Variants in RAB10 observed in about 807,000 individuals in gnomAD.
The protein encoded by RAB10 is ras-related protein Rab-10.
Under a neutral mutation model 25.7 loss-of-function variants are expected in RAB10, and 5 were observed. The ratio of observed to expected loss-of-function variants is 0.19; its 90% CI spans 0.10 to 0.41. The LOEUF (loss-of-function observed/expected upper bound fraction) is 0.41. RAB10 is among the 10% of genes least tolerant of loss of function. The pLI, the probability that RAB10 is intolerant of heterozygous loss-of-function variation, is 1.00. For synonymous variants in RAB10, 89 were observed against 86.4 expected, an observed-to-expected ratio of 1.03 and a Z score of -0.16; for missense variants, 103 against 245.8, an observed-to-expected ratio of 0.42 and a Z score of 3.89.
intron 1 of RAB10, among the ~76,000 whole-genome samples, chr2:26,037,344 T>G: frequency 6.6e-6 from 1 of 151,962 alleles, no homozygotes; most frequent in East Asian, 1.9e-4. Flanking sequence ...TTCAGGCTCT[T>G]TAAGAGTGTT....
intron 3 of RAB10, among the ~76,000 whole-genome samples, chr2:26,111,784 A>T (rs145785515): frequency 6.6e-6 from 1 of 152,150 alleles, no homozygotes; most frequent in Admixed American, 6.6e-5. Flanking sequence ...CTGCTATTCA[A>T]TGCTATTCTG....
chr2:26,097,848 G>A (rs116450706), intron 1 of RAB10, among the ~76,000 whole-genome samples: 105 of 152,070 alleles, frequency 6.9e-4, no homozygotes, highest in African/African-American at 2.3e-3. Flanking sequence ...ATTTCTCTTC[G>A]CAGTTCTATT....
intron 1 of RAB10, among the ~76,000 whole-genome samples, chr2:26,056,212 T>G (rs1025141462): frequency 6.6e-6 from 1 of 152,060 alleles, no homozygotes; most frequent in Non-Finnish European, 1.5e-5. Flanking sequence ...CTTTTTTCCT[T>G]TTTTTGAGAT....
intron 1 of RAB10, among the ~76,000 whole-genome samples, chr2:26,066,327 T>TA (rs1666511999): frequency 6.6e-6 from 1 of 152,232 alleles, no homozygotes; most frequent in South Asian, 2.1e-4. Context: ...AATTACAAGT[T>TA]ATGTTTCATA....
At chr2:26,057,385 G>A (rs765376776) in intron 1 of RAB10, among the ~76,000 whole-genome samples, 21 of 150,748 alleles carry the variant, frequency 1.4e-4, no homozygotes, top group Non-Finnish European at 1.9e-4. Flanking sequence ...GCACAGTTGC[G>A]CCTATGAATA....
intron 3 of RAB10, among the ~76,000 whole-genome samples, chr2:26,123,072 A>G (rs1667839105): frequency 6.6e-6 from 1 of 152,184 alleles, no homozygotes; most frequent in Non-Finnish European, 1.5e-5. Flanking sequence ...CTGAAGGGAA[A>G]AGTCTTTTGA....
chr2:26,123,539 A>C (rs1667847565), intron 3 of RAB10, among the ~76,000 whole-genome samples: 1 of 152,256 alleles, frequency 6.6e-6, no homozygotes, highest in African/African-American at 2.4e-5. Flanking sequence ...GAGCCAGTCA[A>C]GGAATTTATG....
At chr2:26,076,156 A>G (rs922035863) in intron 1 of RAB10, among the ~76,000 whole-genome samples, 14 of 152,168 alleles carry the variant, frequency 9.2e-5, no homozygotes, top group African/African-American at 3.1e-4. Context: ...ACATGATCTC[A>G]TTTAATCCCC....
At chr2:26,076,871 G>T (rs1375080468) in intron 1 of RAB10, among the ~76,000 whole-genome samples, 6 of 149,868 alleles carry the variant, frequency 4.0e-5, no homozygotes, top group African/African-American at 1.5e-4. Flanking sequence ...TTGAACCCGG[G>T]AGGCGGAAGT....
At position 26,086,297 on chromosome 2, in the gene RAB10, G is replaced by A. The variant is rs79961031; in HGVS notation, c.128-12365G>A. Among the ~76,000 whole-genome samples, 812 of 152,274 alleles carry A rather than the reference G, an allele frequency of 5.3e-3. 6 individuals are homozygous for A. The highest frequency in any genetic ancestry group is 0.019 in the African/African-American group (769 of 41,562). On this transcript the variant is annotated intron_variant, in intron 1 of 5. Coordinates refer to ENST00000264710, the MANE Select transcript of RAB10 (RefSeq NM_016131.5). ...GCGAAACTCTGTCTCATAAAAAATG[G>A]GCAAAGGACTTGTGGAGTTCAAAGA...
rs575256109 is a variant in RAB10, at chr2:26,080,078, A to T, written c.128-18584A>T. Among the ~76,000 whole-genome samples, 65 of 152,338 alleles carry T rather than the reference A, an allele frequency of 4.3e-4. 2 individuals are homozygous for T. In the South Asian group the frequency reaches 0.013, roughly 30 times the overall value. On this transcript the variant is annotated intron_variant, in intron 1 of 5. Transcript: ENST00000264710. ...ATCTTGTGATTCTAGAAAACAAAGA[A>T]GTGCTCAGAAAAGGATGGGACATGT...
rs528175569 is a variant in RAB10 at position 26,096,646 on chromosome 2, C to T, written c.128-2016C>T. 4.6e-5 allele frequency among the ~76,000 whole-genome samples: 7 copies of T among 152,218 alleles called. No homozygotes were observed. The East Asian group carries it at 1.4e-3, about 29-fold the overall frequency. ...ATACTTTAAGAATTACTGACTTAAC[C>T]TGTTCTTTTGGTATTTGACCCCTTC... On this transcript the variant is annotated intron_variant, in intron 1 of 5. Coordinates refer to ENST00000264710, the MANE Select transcript of RAB10 (RefSeq NM_016131.5).
chr2:26,094,501 C>G (rs1037644603), intron 1 of RAB10, among the ~76,000 whole-genome samples: 1 of 152,178 alleles, frequency 6.6e-6, no homozygotes, highest in African/African-American at 2.4e-5. Context: ...ACCCTGCCGC[C>G]TCAGCCTCTG....
intron 3 of RAB10, among the ~76,000 whole-genome samples, chr2:26,119,262 A>G (rs1255364750): frequency 3.9e-5 from 6 of 152,084 alleles, no homozygotes; most frequent in Admixed American, 3.9e-4. Context: ...TTTATTTTTT[A>G]AAGTCGGATA....
intron 1 of RAB10, among the ~76,000 whole-genome samples, chr2:26,043,866 A>G (rs1665941394): frequency 6.6e-6 from 1 of 152,248 alleles, no homozygotes. Flanking sequence ...AATGAATTGT[A>G]CACTTAAAAA....
At chr2:26,053,374 A>C (rs1256231845) in intron 1 of RAB10, among the ~76,000 whole-genome samples, 2 of 152,158 alleles carry the variant, frequency 1.3e-5, no homozygotes, top group African/African-American at 2.4e-5. Context: ...TTTTTAGCTG[A>C]TTTACTTGGG....
intron 1 of RAB10, among the ~76,000 whole-genome samples, chr2:26,047,438 CAG>C (rs1421003633): frequency 2.8e-5 from 4 of 141,552 alleles, no homozygotes; most frequent in Non-Finnish European, 6.0e-5. Context: ...TTTATTGAGA[CAG>C]AGTCTTGTTC....
intron 1 of RAB10, among the ~76,000 whole-genome samples, chr2:26,036,959 G>GT (rs1665775611): frequency 6.6e-6 from 1 of 151,882 alleles, no homozygotes; most frequent in Non-Finnish European, 1.5e-5. Context: ...GCTAATTTCT[G>GT]TATTTTTAGT....
intron 1 of RAB10, among the ~76,000 whole-genome samples, chr2:26,039,641 A>G (rs1271298289): frequency 6.6e-6 from 1 of 151,996 alleles, no homozygotes; most frequent in East Asian, 1.9e-4. Context: ...GAGCCACCAC[A>G]CTTGGCCTAA....
Sources: allele counts gnomAD v4.1 joint callset (sites outside exome capture counted in the v4.1 genomes callset), GRCh38; gene constraint gnomAD v4.1.1; transcripts MANE v1.5; gene names NCBI Gene and HGNC (gene_info 2026-07-23, HGNC 2026-07-21).